Variants in QTMAN observed in about 807,000 individuals in gnomAD.
The protein encoded by QTMAN is queuosine-tRNA mannosyltransferase, also known as tRNA-queuosine alpha-mannosyltransferase.
chr2:144,176,304 C>G, the QTMAN span, among the ~76,000 whole-genome samples: 4 of 152,062 alleles, frequency 2.6e-5, no homozygotes, highest in Admixed American at 6.5e-5. Context: ...GTAACAGCTA[C>G]TCATGATTTT....
At chr2:144,289,573 A>C in the QTMAN span, among the ~76,000 whole-genome samples, 1 of 152,184 alleles carries the variant, frequency 6.6e-6, no homozygotes, top group Non-Finnish European at 1.5e-5. Flanking sequence ...TCCAGTGGGG[A>C]TAGTGAGGGC....
chr2:144,121,521 G>A, the QTMAN span, among the ~76,000 whole-genome samples: 1 of 152,080 alleles, frequency 6.6e-6, no homozygotes, highest in Non-Finnish European at 1.5e-5. Context: ...TTGCTGTCAG[G>A]TGCATCTACC....
At chr2:144,179,858 T>G in the QTMAN span, among the ~76,000 whole-genome samples, 2 of 152,216 alleles carry the variant, frequency 1.3e-5, no homozygotes, top group Non-Finnish European at 2.9e-5. Flanking sequence ...TACTTAAGTT[T>G]CCTGTGAAGA....
chr2:144,016,194 T>C, the QTMAN span, among the ~76,000 whole-genome samples: 1 of 152,216 alleles, frequency 6.6e-6, no homozygotes, highest in African/African-American at 2.4e-5. Context: ...TAGTGACATT[T>C]CATACATACT....
the QTMAN span, chr2:144,235,720 T>C: frequency 1.3e-5 from 2 of 152,558 alleles, no homozygotes; most frequent in Non-Finnish European, 2.9e-5. Context: ...ATGTCCAATC[T>C]GGCTAATGCA....
At chr2:143,958,161 T>C in the QTMAN span, among the ~76,000 whole-genome samples, 1 of 152,164 alleles carries the variant, frequency 6.6e-6, no homozygotes, top group South Asian at 2.1e-4. Flanking sequence ...TTGGGGGCTC[T>C]AATTGGCTTA....
the QTMAN span, among the ~76,000 whole-genome samples, chr2:144,289,780 C>T: frequency 1.3e-5 from 2 of 152,256 alleles, no homozygotes; most frequent in Non-Finnish European, 2.9e-5. Context: ...TAAGAAAACA[C>T]GATCCAACTA....
At chr2:144,321,237 T>C in the QTMAN span, among the ~76,000 whole-genome samples, 2 of 152,208 alleles carry the variant, frequency 1.3e-5, no homozygotes, top group African/African-American at 4.8e-5. Context: ...AAGATATCTG[T>C]GTCTCTTGAG....
the QTMAN span, among the ~76,000 whole-genome samples, chr2:144,029,025 G>C: frequency 6.6e-6 from 1 of 152,060 alleles, no homozygotes; most frequent in Admixed American, 6.6e-5. Flanking sequence ...AAAATTTCAG[G>C]GTCACCATCT....
chr2:143,997,772 C>T, the QTMAN span, among the ~76,000 whole-genome samples: 2 of 151,736 alleles, frequency 1.3e-5, no homozygotes, highest in Non-Finnish European at 2.9e-5. Flanking sequence ...TTTTTTTAAA[C>T]CTAGGAAAAT....
the QTMAN span, among the ~76,000 whole-genome samples, chr2:144,232,799 C>T: frequency 6.6e-6 from 1 of 152,134 alleles, no homozygotes; most frequent in Non-Finnish European, 1.5e-5. Context: ...GAAATTTCAT[C>T]GAATGCTTGC....
chr2:144,056,506 T>C, the QTMAN span, among the ~76,000 whole-genome samples: 2 of 152,234 alleles, frequency 1.3e-5, no homozygotes, highest in African/African-American at 4.8e-5. Flanking sequence ...GTCATCTGTC[T>C]TTCCTCCCTC....
the QTMAN span, among the ~76,000 whole-genome samples, chr2:144,086,483 AT>A: frequency 6.6e-6 from 1 of 152,066 alleles, no homozygotes; most frequent in Non-Finnish European, 1.5e-5. Flanking sequence ...TTCTCACAAT[AT>A]GAGTATTGAT....
At chr2:144,048,605 T>C in the QTMAN span, among the ~76,000 whole-genome samples, 1 of 152,160 alleles carries the variant, frequency 6.6e-6, no homozygotes, top group Non-Finnish European at 1.5e-5. Flanking sequence ...ATGGATAACA[T>C]CATGCTCCTA....
chr2:144,212,331 G>C, the QTMAN span, among the ~76,000 whole-genome samples: 3 of 152,018 alleles, frequency 2.0e-5, no homozygotes, highest in Admixed American at 2.0e-4. Flanking sequence ...GCATGGTGAG[G>C]CATGCCCGTA....
the QTMAN span, among the ~76,000 whole-genome samples, chr2:144,080,065 C>A: frequency 1.3e-5 from 2 of 151,978 alleles, no homozygotes; most frequent in Non-Finnish European, 2.9e-5. Context: ...TGTTTATATA[C>A]CAATTTACTA....
the QTMAN span, among the ~76,000 whole-genome samples, chr2:144,299,684 A>G: frequency 2.0e-5 from 3 of 152,222 alleles, no homozygotes; most frequent in African/African-American, 7.2e-5. Context: ...TGCTGGTGGG[A>G]ATACAAAATG....
chr2:144,103,755 T>C, the QTMAN span, among the ~76,000 whole-genome samples: 2 of 152,236 alleles, frequency 1.3e-5, no homozygotes. Flanking sequence ...ATTTTGTCAC[T>C]GTCCAAAAAT....
the QTMAN span, among the ~76,000 whole-genome samples, chr2:144,033,576 A>T: frequency 5.3e-5 from 8 of 152,138 alleles, no homozygotes; most frequent in African/African-American, 1.9e-4. Context: ...AGGTTCCATT[A>T]TGTAGGTATG....
Sources: gnomAD v4.1 joint callset for allele counts (sites outside exome capture counted in the v4.1 genomes callset) on GRCh38, gnomAD v4.1.1 for gene constraint, MANE v1.5 for transcripts, NCBI Gene and HGNC (gene_info 2026-07-23, HGNC 2026-07-21) for gene names.